Variants in NCKAP5L observed in about 807,000 individuals in gnomAD.
NCKAP5L encodes nck-associated protein 5-like.
In NCKAP5L, 54 loss-of-function variants were observed where a neutral mutation model predicts 103.2. The ratio of observed to expected loss-of-function variants is 0.52; its 90% confidence interval spans 0.42 to 0.66. The LOEUF (loss-of-function observed/expected upper bound fraction) is 0.66, where lower values mean the gene tolerates loss of function less well. Ranked by LOEUF, NCKAP5L falls within the 30% of genes least tolerant of loss-of-function variation. The pLI is 0.00. For missense variants in NCKAP5L, 1,733 were observed against 1,750.6 expected (o/e 0.99, Z 0.18); for synonymous variants, 762 against 748.6 (o/e 1.02, Z -0.29).
At chr12:49,799,649 A>G (rs1031239224) in intron 6 of NCKAP5L, among the ~76,000 whole-genome samples, 1 of 152,080 alleles carries the variant, frequency 6.6e-6, no homozygotes, top group African/African-American at 2.4e-5. Flanking sequence ...TTTGTGCTCA[A>G]AAGCCTCCTA....
Position 49,795,175 on chromosome 12 carries a change from C to T in NCKAP5L, c.2685G>A (p.Val895=). 2 of 1,604,068 alleles carry T rather than the reference C, an allele frequency of 1.2e-6. No homozygotes were observed. The highest frequency in any genetic ancestry group is 1.7e-6 in the Non-Finnish European group (2 of 1,175,938). The change falls in exon 8 of 13, where the codon GTG becomes GTA. Residue 895 remains valine (V), a synonymous_variant. Coordinates refer to ENST00000335999, the MANE Select transcript of NCKAP5L (RefSeq NM_001037806.4). ...EKVMKGIEEN[V]LRLQGQERAP... ...CTCGCTCCTGGCCCTGGAGCCGCAG[C>T]ACGTTCTCCTCAATGCCCTTCATCA...
rs764936027 is a variant in NCKAP5L at position 49,802,916 on chromosome 12, G to A, written c.231+42C>T. 4.4e-5 allele frequency: 70 copies of A among 1,592,722 alleles called. No homozygotes were observed. The Admixed American group carries it at 5.0e-4, about 11-fold the overall frequency. ...TTAGTCTCCAGGAAGGGTCTCATCTGCTGTGCCCAGGGCTTCTCCCCAGGG... is the reference window on the plus strand; with the variant it reads ...TTAGTCTCCAGGAAGGGTCTCATCTACTGTGCCCAGGGCTTCTCCCCAGGG... On this transcript the variant is annotated intron_variant, in intron 5 of 12. Transcript: ENST00000335999.
At chr12:49,816,495 C>CAAAAAA (rs1163941989) in intron 1 of NCKAP5L, among the ~76,000 whole-genome samples, 1,442 of 48,998 alleles carry the variant, frequency 0.029, 118 homozygotes, top group African/African-American at 0.057. Flanking sequence ...TCAACCCTCT[C>CAAAAAA]AAAAAAAAAA....
chr12:49,811,726 G>A (rs530353156), intron 1 of NCKAP5L, among the ~76,000 whole-genome samples: 8 of 151,968 alleles, frequency 5.3e-5, no homozygotes, highest in Non-Finnish European at 1.0e-4. Flanking sequence ...GCTATGACCC[G>A]GCTACTGCTG....
At position 49,792,036 on chromosome 12, in the gene NCKAP5L, G is replaced by A. The variant is rs762484397; in HGVS notation, c.3808C>T (p.Arg1270Trp). 13 of 1,552,272 alleles carry A rather than the reference G, an allele frequency of 8.4e-6. No homozygotes were observed. Among genetic ancestry groups the A allele is most frequent in the Admixed American group, 7.7e-5 (4 of 51,850 alleles). ...CGGCTGGGCTCCTGGCTTCGCTTCC[G>A]GTCCACGGGCAGGGCCTGGGAAAGG... Reference protein sequence around the residue: ...PRTPMALPVDRKRSQEPSRPS... With the variant: ...PRTPMALPVDWKRSQEPSRPS... Residue 1270 changes from arginine (R) to tryptophan (W), a missense_variant, in exon 13 of 13, where the codon CGG becomes TGG. Coordinates refer to ENST00000335999, the MANE Select transcript of NCKAP5L (RefSeq NM_001037806.4). This position sits in a 1 kb window ranked among gnomAD's most constrained non-coding sequence, Gnocchi z 4.5.
intron 6 of NCKAP5L, 63 bp downstream of exon 6, chr12:49,801,785 G>A (rs1355365790): frequency 8.8e-6 from 14 of 1,596,978 alleles, no homozygotes; most frequent in Non-Finnish European, 1.1e-5. Flanking sequence ...ACAGTGATGG[G>A]GCCGATGGAG....
Position 49,795,091 on chromosome 12 carries a change from A to C in NCKAP5L, c.2769T>G (p.Leu923=). 6.2e-7 allele frequency: 1 copy of C among 1,612,740 alleles called. No homozygotes were observed. The highest frequency in any genetic ancestry group is 8.5e-7 in the Non-Finnish European group (1 of 1,179,560). Residue 923 remains leucine, a synonymous_variant, in exon 8 of 13, where the codon CTT becomes CTG. Coordinates refer to ENST00000335999, the MANE Select transcript of NCKAP5L (RefSeq NM_001037806.4). ...NTSSIASWFG[L]KKSKLPALNR... is the part of the protein sequence containing the mutation. ...TCAGCGCTGGCAGCTTGCTCTTCTT[A>C]AGGCCGAACCAGCTGGCGATGCTGC... is the stretch of plus-strand genomic sequence containing the variant.
Position 49,798,391 on chromosome 12 carries a change from C to G in NCKAP5L, c.424G>C (p.Ala142Pro), listed in dbSNP as rs1946081837. ...CAGTGCCCCAGAGGCAGCGGGGCAG[C>G]CGGTCCCTCAGTGGAGCTCAGGGAG... is the stretch of plus-strand genomic sequence containing the variant. Reference protein sequence around the residue: ...SPSLSSTEGPAAPLPLGHCAG... With the variant: ...SPSLSSTEGPPAPLPLGHCAG... Residue 142 changes from alanine to proline, a missense_variant, in exon 7 of 13, where the codon GCT (alanine) becomes CCT (proline). Ala to Pro is a conservative substitution (Grantham distance 27). Coordinates refer to ENST00000335999, the MANE Select transcript of NCKAP5L (RefSeq NM_001037806.4). The G allele has an allele frequency of 1.9e-6, 3 of 1,573,016 alleles. No homozygotes were observed. The highest frequency in any genetic ancestry group is 2.6e-6 in the Non-Finnish European group (3 of 1,158,718).
At chr12:49,821,223 G>A (rs995829332) in intron 1 of NCKAP5L, among the ~76,000 whole-genome samples, 6 of 152,178 alleles carry the variant, frequency 3.9e-5, no homozygotes, top group Non-Finnish European at 7.3e-5. Context: ...GTGAGGTGCT[G>A]TCTACAGAGG....
In NCKAP5L at chr12:49,796,025, G is replaced by A. The variant is rs1190834065; in HGVS notation, c.1835C>T (p.Ser612Leu). 2 of 1,553,592 alleles carry A rather than the reference G, an allele frequency of 1.3e-6. No homozygotes were observed. Among genetic ancestry groups the A allele is most frequent in the Non-Finnish European group, 1.7e-6 (2 of 1,154,896 alleles). Residue 612 changes from serine to leucine, a missense_variant, in exon 8 of 13, where the codon TCG (serine) becomes TTG (leucine). Coordinates refer to ENST00000335999, the MANE Select transcript of NCKAP5L (RefSeq NM_001037806.4). ...CTCTTGGGGGCTCCCATAGGGGTAC[G>A]ATTCTGGGAGGCAAGGACTGGGGGG... ...GVPPSPCLPESYPYGSPQEKS... is the reference protein window; with the variant it reads ...GVPPSPCLPELYPYGSPQEKS...
At chr12:49,810,926 A>G (rs4898530) in intron 1 of NCKAP5L, among the ~76,000 whole-genome samples, 84,452 of 151,990 alleles carry the variant, frequency 0.56, 25,551 homozygotes, top group East Asian at 0.8. Flanking sequence ...AGTTGGAGTC[A>G]TTTTTCTAGA....
intron 8 of NCKAP5L, 150 bp downstream of exon 8, chr12:49,794,615 C>T: frequency 1.9e-6 from 1 of 534,412 alleles, no homozygotes; most frequent in Non-Finnish European, 3.1e-6. Flanking sequence ...ACCCCCCCAC[C>T]AGCTGCTTTG....
At chr12:49,823,664 G>GTGGA (rs1371085100) in intron 1 of NCKAP5L, among the ~76,000 whole-genome samples, 1 of 151,058 alleles carries the variant, frequency 6.6e-6, no homozygotes, top group African/African-American at 2.4e-5. Context: ...AAAAAGCATA[G>GTGGA]TGGATATTGG....
intron 1 of NCKAP5L, among the ~76,000 whole-genome samples, chr12:49,813,360 T>C (rs1017603205): frequency 1.3e-5 from 2 of 152,228 alleles, no homozygotes; most frequent in Non-Finnish European, 2.9e-5. Context: ...TGAGATTTTA[T>C]TGTGGTTTGA....
intron 1 of NCKAP5L, among the ~76,000 whole-genome samples, chr12:49,812,081 G>A (rs114165134): frequency 0.019 from 2,943 of 152,242 alleles, 108 homozygotes; most frequent in African/African-American, 0.066. Context: ...CCCACTGAAA[G>A]TGTACAATTC....
chr12:49,816,407 C>G (rs73309090), intron 1 of NCKAP5L, among the ~76,000 whole-genome samples: 5,187 of 146,406 alleles, frequency 0.035, 128 homozygotes, highest in African/African-American at 0.071. Flanking sequence ...TCAAATGGCT[C>G]TTAGGGCCCA....
In NCKAP5L at chr12:49,802,927, G is replaced by C. The variant is rs752473244; in HGVS notation, c.231+31C>G. 7.5e-6 allele frequency: 12 copies of C among 1,606,910 alleles called. No homozygotes were observed. In the African/African-American group the frequency reaches 1.3e-4, roughly 18 times the overall value. ...GAAGGGTCTCATCTGCTGTGCCCAG[G>C]GCTTCTCCCCAGGGTGTCTGGGTTA... On this transcript the variant is annotated intron_variant, in intron 5 of 12. Coordinates refer to ENST00000335999, the MANE Select transcript of NCKAP5L (RefSeq NM_001037806.4).
intron 8 of NCKAP5L, 118 bp downstream of exon 8, chr12:49,794,647 C>T: frequency 1.3e-6 from 1 of 748,590 alleles, no homozygotes; most frequent in South Asian, 2.6e-5. Context: ...TCCCTTTTGA[C>T]CTCTGGGAAG....
At position 49,795,039 on chromosome 12, in the gene NCKAP5L, T is replaced by C; in HGVS notation, c.2821A>G (p.Lys941Glu). The C allele has an allele frequency of 6.2e-7, 1 of 1,609,896 alleles. No homozygotes were observed. Among genetic ancestry groups the C allele is most frequent in the Non-Finnish European group, 8.5e-7 (1 of 1,178,274 alleles). The stretch of plus-strand genomic sequence containing the variant: ...GGGGAGCCCCCGCCAGCCCCCTCCT[T>C]GTTCTTGGTGGCCTCTGTGCGGCGG... ...LNRRTEATKNKEGAGGGSPLR... is the reference protein window; with the variant it reads ...LNRRTEATKNEEGAGGGSPLR... Residue 941 changes from lysine (K) to glutamate (E), a missense_variant, in exon 8 of 13, where the codon AAG becomes GAG. Lys to Glu is a moderately conservative substitution (Grantham distance 56). Coordinates refer to ENST00000335999, the MANE Select transcript of NCKAP5L (RefSeq NM_001037806.4).
Sources: gnomAD v4.1 joint callset for allele counts (sites outside exome capture counted in the v4.1 genomes callset) on GRCh38, gnomAD v4.1.1 for gene constraint, Gnocchi (gnomAD v3.1) non-coding constraint, MANE v1.5 for transcripts, NCBI Gene and HGNC (gene_info 2026-07-23, HGNC 2026-07-21) for gene names.